MUC13: variants seen among roughly 807,000 people sequenced by gnomAD.
MUC13 encodes the protein mucin 13, cell surface associated.
A neutral mutation model predicts 48.3 loss-of-function variants in MUC13; 32 were observed. The ratio of observed to expected loss-of-function variants is 0.66; its 90% CI spans 0.50 to 0.89. The LOEUF (loss-of-function observed/expected upper bound fraction) is 0.89, where lower values mean the gene tolerates loss of function less well. MUC13 is among the 40% of genes least tolerant of loss of function. The pLI is 0.00. For synonymous variants in MUC13, 199 were observed against 224.9 expected (o/e 0.88, Z 1.03); for missense variants, 571 against 622.8 (o/e 0.92, Z 0.88).
chr3:124,930,093 T>C (rs1342665731), intron 1 of MUC13, among the ~76,000 whole-genome samples: 1 of 152,238 alleles, frequency 6.6e-6, no homozygotes, highest in Non-Finnish European at 1.5e-5. Flanking sequence ...CTGAATTTCA[T>C]GCTTTGGGAA....
At chr3:124,920,059 C>T (rs907736169) in intron 5 of MUC13, 175 bp downstream of exon 5, 17 of 672,234 alleles carry the variant, frequency 2.5e-5, no homozygotes, top group African/African-American at 2.0e-4. Flanking sequence ...GGGGTGACAT[C>T]AGAGGCAGGG....
intron 5 of MUC13, among the ~76,000 whole-genome samples, chr3:124,917,111 C>G (rs1935522831): frequency 6.6e-6 from 1 of 151,996 alleles, no homozygotes; most frequent in Non-Finnish European, 1.5e-5. Flanking sequence ...CTGCCATGAG[C>G]AAGACATTGT....
intron 2 of MUC13, 73 bp from the exon 3 acceptor site, chr3:124,923,722 A>AG: frequency 6.7e-7 from 1 of 1,501,682 alleles, no homozygotes; most frequent in Non-Finnish European, 9.1e-7. Flanking sequence ...GTATTTTTCC[A>AG]TCTTCATGCC....
intron 1 of MUC13, 66 bp downstream of exon 1, chr3:124,934,595 C>G (rs1219176718): frequency 8.8e-7 from 1 of 1,138,550 alleles, no homozygotes; most frequent in African/African-American, 1.5e-5. Context: ...AGCTATAGGC[C>G]TGCTGATTCT....
At chr3:124,913,750 A>C in intron 6 of MUC13, 69 bp from the exon 7 acceptor site, 1 of 1,577,372 alleles carries the variant, frequency 6.3e-7, no homozygotes, top group Non-Finnish European at 8.7e-7. Flanking sequence ...TGTGAAAATT[A>C]CCCCACCCCA....
Position 124,927,479 on chromosome 3 carries a change from C to T in MUC13, c.514+53G>A, listed in dbSNP as rs1456479816. The T allele has an allele frequency of 5.1e-6, 8 of 1,555,996 alleles. No homozygotes were observed. The East Asian group carries it at 1.6e-4, about 31-fold the overall frequency. On this transcript the variant is annotated intron_variant, in intron 2 of 11. Coordinates refer to ENST00000616727, the MANE Select transcript of MUC13 (RefSeq NM_033049.4). ...CACCAGAACATACCCACCTCCCTCCCTCCACAATTGTACTCTCCATCCTTG... is the reference window on the plus strand; with the variant it reads ...CACCAGAACATACCCACCTCCCTCCTTCCACAATTGTACTCTCCATCCTTG...
chr3:124,925,881 C>T (rs753340160), intron 2 of MUC13, among the ~76,000 whole-genome samples: 1 of 152,122 alleles, frequency 6.6e-6, no homozygotes, highest in Non-Finnish European at 1.5e-5. Flanking sequence ...TCCCAAAGTG[C>T]TGGGATTACA....
intron 1 of MUC13, among the ~76,000 whole-genome samples, chr3:124,931,444 A>AG (rs1168234984): frequency 1.3e-5 from 2 of 150,548 alleles, no homozygotes; most frequent in Non-Finnish European, 3.0e-5. Flanking sequence ...AAAAAAAAAA[A>AG]GCAACTTTTT....
chr3:124,934,014 T>G (rs1355107246), intron 1 of MUC13, among the ~76,000 whole-genome samples: 1 of 152,226 alleles, frequency 6.6e-6, no homozygotes, highest in African/African-American at 2.4e-5. Context: ...GGCTTTTTGC[T>G]GTGGTCAGCT....
chr3:124,932,845 G>C (rs1356783082), intron 1 of MUC13, among the ~76,000 whole-genome samples: 1 of 152,032 alleles, frequency 6.6e-6, no homozygotes, highest in Non-Finnish European at 1.5e-5. Context: ...TGGGTTCTCT[G>C]GGTCAAGAAA....
At position 124,932,160 on chromosome 3, in the gene MUC13, T is replaced by C. The variant is rs115365382; in HGVS notation, c.52+2501A>G. 2.5e-3 allele frequency among the ~76,000 whole-genome samples: 383 copies of C among 152,356 alleles called. 1 individual carries two copies. Among genetic ancestry groups the C allele is most frequent in the African/African-American group, 8.8e-3 (368 of 41,592 alleles). Reference sequence around the variant, plus strand: ...TAGATGGGTGGGAAGTCAGATTGGATGCTCAATTTTTATTTCATATACATC... The same window carrying C: ...TAGATGGGTGGGAAGTCAGATTGGACGCTCAATTTTTATTTCATATACATC... On this transcript the variant is annotated intron_variant, in intron 1 of 11. Transcript: ENST00000616727.
At chr3:124,917,458 C>T (rs963982324) in intron 5 of MUC13, among the ~76,000 whole-genome samples, 2 of 151,714 alleles carry the variant, frequency 1.3e-5, no homozygotes, top group African/African-American at 2.4e-5. Flanking sequence ...CTTATCCTGC[C>T]GCCTCAGTCT....
In MUC13 at chr3:124,908,222, C is replaced by T; in HGVS notation, c.1464G>A (p.Arg488=). The T allele has an allele frequency of 6.2e-7, 1 of 1,614,160 alleles. No homozygotes were observed. Among genetic ancestry groups the T allele is most frequent in the Non-Finnish European group, 8.5e-7 (1 of 1,180,036 alleles). ...GAEGSVFPKV[R]ITASRDSQMQ... is the part of the protein sequence containing the mutation. ...TCTGGCTGTCTCTGGAGGCCGTTAT[C>T]CTGACCTTAGGAAAGACGCTCCCTT... is the stretch of plus-strand genomic sequence containing the variant. The change falls in exon 11 of 12, where the codon AGG becomes AGA. Residue 488 remains arginine (R), a synonymous_variant. Coordinates refer to ENST00000616727, the MANE Select transcript of MUC13 (RefSeq NM_033049.4).
At chr3:124,914,147 C>T (rs773771862) in intron 6 of MUC13, among the ~76,000 whole-genome samples, 2 of 151,930 alleles carry the variant, frequency 1.3e-5, no homozygotes, top group African/African-American at 2.4e-5. Flanking sequence ...TGTGGTGGCT[C>T]ACGTCTGTAA....
chr3:124,922,217 G>A lies in MUC13; in HGVS notation c.724C>T (p.His242Tyr). Residue 242 changes from histidine to tyrosine, a missense_variant, in exon 4 of 12, where the codon CAT becomes TAT. Transcript: ENST00000616727. ...EKHSMAYQDL[H>Y]SEITSLFKDV... ...CTTACCAAGCTAGTAATTTCACTAT[G>A]CAAGTCTTGATAGGCCATGGAATGT... 6.2e-7 allele frequency: 1 copy of A among 1,613,996 alleles called. No homozygotes were observed.
Position 124,922,225 on chromosome 3 carries a change from T to C in MUC13, c.716A>G (p.Gln239Arg), listed in dbSNP as rs1559999559. ...DPEEKHSMAY[Q>R]DLHSEITSLF... ...GCTAGTAATTTCACTATGCAAGTCT[T>C]GATAGGCCATGGAATGTTTCTCTTC... The change falls in exon 4 of 12, where the codon CAA becomes CGA. Residue 239 changes from glutamine to arginine, a missense_variant. Gln to Arg is a conservative substitution (Grantham distance 43, BLOSUM62 1). Coordinates refer to ENST00000616727, the MANE Select transcript of MUC13 (RefSeq NM_033049.4). The C allele has an allele frequency of 6.2e-7, 1 of 1,614,182 alleles. No homozygotes were observed. Among genetic ancestry groups the C allele is most frequent in the Non-Finnish European group, 8.5e-7 (1 of 1,180,026 alleles).
intron 11 of MUC13, 94 bp downstream of exon 11, chr3:124,908,053 G>T: frequency 2.5e-6 from 3 of 1,210,830 alleles, no homozygotes; most frequent in Non-Finnish European, 3.5e-6. Context: ...GAAAGCCTGC[G>T]GGGCAGCCAA....
rs558894555 is a variant in MUC13 at position 124,931,626 on chromosome 3, T to C, written c.52+3035A>G. Among the ~76,000 whole-genome samples, 125 of 151,972 alleles carry C rather than the reference T, an allele frequency of 8.2e-4. 1 individual carries two copies. Among genetic ancestry groups the C allele is most frequent in the African/African-American group, 3.0e-3 (125 of 41,416 alleles). On this transcript the variant is annotated intron_variant, in intron 1 of 11. Coordinates refer to ENST00000616727, the MANE Select transcript of MUC13 (RefSeq NM_033049.4). Reference sequence around the variant, plus strand: ...AGCTGGGCGTGGTGGCAGGCACCTATAATCCCAGCCACTCGGGAAACTGAG... The same window carrying C: ...AGCTGGGCGTGGTGGCAGGCACCTACAATCCCAGCCACTCGGGAAACTGAG...
At chr3:124,914,793 G>A (rs141440998) in intron 6 of MUC13, among the ~76,000 whole-genome samples, 5,856 of 152,180 alleles carry the variant, frequency 0.038, 150 homozygotes, top group South Asian at 0.067. Context: ...GGGCGTGGTG[G>A]CACATGCCTA....
Sources: allele counts gnomAD v4.1 joint callset (sites outside exome capture counted in the v4.1 genomes callset), GRCh38; gene constraint gnomAD v4.1.1; transcripts MANE v1.5; gene names NCBI Gene and HGNC (gene_info 2026-07-23, HGNC 2026-07-21).